Variants in CTNND2 observed in about 807,000 individuals in gnomAD.
The protein encoded by CTNND2 is catenin delta-2.
Under a neutral mutation model 144.4 loss-of-function variants are expected in CTNND2, and 22 were observed. That is an observed-to-expected ratio of 0.15 (90% CI 0.11 to 0.22). The LOEUF (loss-of-function observed/expected upper bound fraction) is 0.22. Among genes scored for constraint, CTNND2 ranks in the 10% least tolerant of loss-of-function variants. The pLI is 1.00. For missense variants in CTNND2, 1,353 were observed against 1,618.8 expected (o/e 0.84, Z 2.82); for synonymous variants, 751 against 695.6 (o/e 1.08, Z -1.25).
chr5:11,635,253 T>C (rs1388536378), intron 2 of CTNND2, among the ~76,000 whole-genome samples: 1 of 152,002 alleles, frequency 6.6e-6, no homozygotes, highest in Non-Finnish European at 1.5e-5. Context: ...TGTGGGAGTT[T>C]GTGTGGTTAA....
intron 1 of CTNND2, among the ~76,000 whole-genome samples, chr5:11,859,322 A>T (rs1795395834): frequency 6.6e-6 from 1 of 152,180 alleles, no homozygotes; most frequent in Non-Finnish European, 1.5e-5. Flanking sequence ...CAGGTGTTAA[A>T]TTCCACATGC....
intron 1 of CTNND2, among the ~76,000 whole-genome samples, chr5:11,851,692 G>A (rs767663444): frequency 6.6e-6 from 1 of 152,174 alleles, no homozygotes; most frequent in Non-Finnish European, 1.5e-5. Context: ...GAGTTTGCTT[G>A]GCCTGTGTGC....
intron 1 of CTNND2, among the ~76,000 whole-genome samples, chr5:11,820,399 T>G (rs943677868): frequency 1.3e-5 from 2 of 151,932 alleles, no homozygotes; most frequent in African/African-American, 4.8e-5. Context: ...CGACTGGAGG[T>G]AAAAATTAAA....
chr5:11,229,452 T>G (rs548274712), intron 10 of CTNND2, among the ~76,000 whole-genome samples: 1 of 152,222 alleles, frequency 6.6e-6, no homozygotes, highest in South Asian at 2.1e-4. Flanking sequence ...GCCCAGGAGT[T>G]CAAGGCTACA....
At chr5:11,665,521 G>A (rs1783520107) in intron 2 of CTNND2, among the ~76,000 whole-genome samples, 1 of 152,150 alleles carries the variant, frequency 6.6e-6, no homozygotes, top group African/African-American at 2.4e-5. Context: ...AATAGACTAA[G>A]TGACACAAGG....
intron 3 of CTNND2, among the ~76,000 whole-genome samples, chr5:11,470,108 C>G (rs1286279088): frequency 1.3e-5 from 2 of 152,050 alleles, no homozygotes; most frequent in African/African-American, 2.4e-5. Flanking sequence ...TAAAACACAC[C>G]CTATTATCAG....
intron 1 of CTNND2, among the ~76,000 whole-genome samples, chr5:11,842,207 G>A (rs1485312051): frequency 6.6e-6 from 1 of 152,078 alleles, no homozygotes; most frequent in African/African-American, 2.4e-5. Flanking sequence ...TGTGTAAATA[G>A]TGTCAGGATG....
Position 11,237,022 on chromosome 5 carries a change from CT to C in CTNND2, c.1629-200del, listed in dbSNP as rs368680555. On this transcript the variant is annotated intron_variant, in intron 9 of 21. Coordinates refer to ENST00000304623, the MANE Select transcript of CTNND2 (RefSeq NM_001332.4). ...TTGAGTAAATAGTTTTCTTTCTTTT[CT>C]TTTTTTTTTTTTTTTAGACAGAATC... Among the ~76,000 whole-genome samples the C allele has an allele frequency of 0.014, 2,004 of 138,386 alleles. 16 individuals carry two copies. Among genetic ancestry groups the C allele is most frequent in the Non-Finnish European group, 0.017 (1,076 of 63,042 alleles). The allele number at this position is 138,386 out of a possible 152,430, so 90.8% of individuals were successfully genotyped here.
At chr5:11,101,810 C>G (rs1172605312) in intron 14 of CTNND2, among the ~76,000 whole-genome samples, 1 of 151,824 alleles carries the variant, frequency 6.6e-6, no homozygotes, top group Non-Finnish European at 1.5e-5. Context: ...CACATGAAGA[C>G]AAAGTATTTC....
intron 16 of CTNND2, among the ~76,000 whole-genome samples, chr5:11,079,966 T>C (rs1287286806): frequency 2.0e-5 from 3 of 151,636 alleles, no homozygotes; most frequent in Non-Finnish European, 2.9e-5. Flanking sequence ...AAATAAAAGA[T>C]AGACAAATGG....
chr5:11,397,326 A>T, intron 5 of CTNND2, 123 bp from the exon 6 acceptor site: 1 of 748,684 alleles, frequency 1.3e-6, no homozygotes, highest in East Asian at 3.0e-5. Context: ...CCATGCTTAA[A>T]ATTCTGAGAA....
chr5:11,419,022 C>G (rs984959357), intron 3 of CTNND2, among the ~76,000 whole-genome samples: 1 of 125,778 alleles, frequency 8.0e-6, no homozygotes, highest in Non-Finnish European at 1.7e-5. Context: ...ATATAGATGT[C>G]TATCTATATA....
intron 2 of CTNND2, among the ~76,000 whole-genome samples, chr5:11,599,091 C>A (rs1779658092): frequency 6.6e-6 from 1 of 152,138 alleles, no homozygotes; most frequent in Admixed American, 6.5e-5. Context: ...AAGACAGCAC[C>A]AGGGAGATGG....
At chr5:11,324,241 A>T (rs544177255) in intron 9 of CTNND2, among the ~76,000 whole-genome samples, 29 of 152,272 alleles carry the variant, frequency 1.9e-4, no homozygotes, top group African/African-American at 5.8e-4. Flanking sequence ...TTTATATGCC[A>T]AGCAGCAAAA....
intron 2 of CTNND2, among the ~76,000 whole-genome samples, chr5:11,647,171 A>G (rs1204345944): frequency 6.6e-6 from 1 of 152,032 alleles, no homozygotes; most frequent in East Asian, 1.9e-4. Flanking sequence ...GCTGGACTCC[A>G]TGGTGTATTT....
intron 2 of CTNND2, among the ~76,000 whole-genome samples, chr5:11,579,870 C>T (rs531695672): frequency 6.6e-5 from 10 of 152,320 alleles, no homozygotes; most frequent in Non-Finnish European, 1.2e-4. Context: ...CTGGCCTCCC[C>T]GGCTGCGGCG....
chr5:11,496,892 T>C (rs890666464), intron 3 of CTNND2, among the ~76,000 whole-genome samples: 8 of 150,840 alleles, frequency 5.3e-5, no homozygotes, highest in South Asian at 2.1e-4. Flanking sequence ...AGAGTGGGAC[T>C]GGGCCCCACA....
intron 1 of CTNND2, among the ~76,000 whole-genome samples, chr5:11,822,171 A>T (rs1793349583): frequency 6.6e-6 from 1 of 152,202 alleles, no homozygotes; most frequent in African/African-American, 2.4e-5. Flanking sequence ...TCAGAGATAT[A>T]AAGTTAATGA....
chr5:11,001,277 A>T (rs914193032), intron 18 of CTNND2, among the ~76,000 whole-genome samples: 3 of 152,190 alleles, frequency 2.0e-5, no homozygotes, highest in Non-Finnish European at 4.4e-5. Flanking sequence ...ATGTTCATTC[A>T]ATTACTATTG....
Sources: gnomAD v4.1 joint callset for allele counts (sites outside exome capture counted in the v4.1 genomes callset) on GRCh38, gnomAD v4.1.1 for gene constraint, MANE v1.5 for transcripts, NCBI Gene and HGNC (gene_info 2026-07-23, HGNC 2026-07-21) for gene names.